Variants in PDE4D observed in about 807,000 individuals in gnomAD.
PDE4D encodes 3',5'-cyclic-AMP phosphodiesterase 4D.
A neutral mutation model predicts 87.4 loss-of-function variants in PDE4D; 24 were observed. The ratio of observed to expected loss-of-function variants is 0.27; its 90% CI spans 0.20 to 0.39. The LOEUF (loss-of-function observed/expected upper bound fraction) is 0.39, where lower values mean the gene tolerates loss of function less well. Among genes scored for constraint, PDE4D ranks in the 10% least tolerant of loss-of-function variants. The pLI is 1.00. For missense variants in PDE4D, 714 were observed against 1,041.0 expected, an observed-to-expected ratio of 0.69 and a Z score of 4.32; for synonymous variants, 384 against 383.2, an observed-to-expected ratio of 1.00 and a Z score of -0.02.
intron 1 of PDE4D, among the ~76,000 whole-genome samples, chr5:60,374,854 C>T (rs541048985): frequency 6.6e-5 from 10 of 152,144 alleles, no homozygotes; most frequent in African/African-American, 9.6e-5. Context: ...GCTTAAAAAT[C>T]GGTGAAATAT....
intron 1 of PDE4D, among the ~76,000 whole-genome samples, chr5:60,480,313 G>T (rs1201233127): frequency 2.0e-5 from 3 of 151,972 alleles, no homozygotes; most frequent in African/African-American, 7.3e-5. Flanking sequence ...ATAATAATAA[G>T]ATGACAAACA....
At chr5:59,080,091 G>A in intron 5 of PDE4D, among the ~76,000 whole-genome samples, 1 of 152,116 alleles carries the variant, frequency 6.6e-6, no homozygotes, top group Admixed American at 6.6e-5. Flanking sequence ...CCAGTCTGTG[G>A]TCAGTGAAAG....
chr5:60,449,152 TA>T (rs937721756), intron 1 of PDE4D, among the ~76,000 whole-genome samples: 1 of 147,838 alleles, frequency 6.8e-6, no homozygotes, highest in Non-Finnish European at 1.5e-5. Context: ...ATTAATTTGC[TA>T]AAATCTCCCT....
intron 5 of PDE4D, among the ~76,000 whole-genome samples, chr5:59,050,285 A>T (rs1761341130): frequency 6.6e-6 from 1 of 152,220 alleles, no homozygotes; most frequent in African/African-American, 2.4e-5. Flanking sequence ...GAGAAAAAGA[A>T]AAGAAAAAAC....
chr5:60,100,100 T>C (rs566840352), intron 2 of PDE4D, among the ~76,000 whole-genome samples: 1 of 151,854 alleles, frequency 6.6e-6, no homozygotes, highest in Non-Finnish European at 1.5e-5. Flanking sequence ...TGCACTGATA[T>C]GAAAAAAATC....
At chr5:59,525,748 T>A (rs995647074) in intron 1 of PDE4D, among the ~76,000 whole-genome samples, 6 of 151,894 alleles carry the variant, frequency 4.0e-5, no homozygotes, top group Non-Finnish European at 8.8e-5. Flanking sequence ...TGGGAGCAGA[T>A]CCCCCTGCTG....
intron 12 of PDE4D, among the ~76,000 whole-genome samples, chr5:58,976,937 C>T (rs560255687): frequency 4.2e-4 from 64 of 152,196 alleles, no homozygotes; most frequent in African/African-American, 1.4e-3. Context: ...TTTCTCTGCC[C>T]GCCACCAGAC....
At chr5:58,988,962 T>C (rs936736881) in intron 10 of PDE4D, among the ~76,000 whole-genome samples, 8 of 152,224 alleles carry the variant, frequency 5.3e-5, no homozygotes, top group African/African-American at 1.7e-4. Flanking sequence ...AATTATTTTC[T>C]TTCATCGAAA....
chr5:60,520,541 G>A (rs1174336080), intron 1 of PDE4D, among the ~76,000 whole-genome samples: 2 of 152,150 alleles, frequency 1.3e-5, no homozygotes, highest in East Asian at 1.9e-4. Flanking sequence ...TCTTTATCTT[G>A]TGAGTCCAGA....
At chr5:59,882,547 A>T (rs1352872476) in intron 1 of PDE4D, among the ~76,000 whole-genome samples, 1 of 152,178 alleles carries the variant, frequency 6.6e-6, no homozygotes, top group Non-Finnish European at 1.5e-5. Context: ...GCTGTGAGTA[A>T]ATTATTCTAA....
intron 11 of PDE4D, among the ~76,000 whole-genome samples, chr5:58,987,639 AAATG>A (rs1239187489): frequency 2.0e-5 from 1 of 49,366 alleles, no homozygotes; most frequent in Non-Finnish European, 5.1e-5. Flanking sequence ...CCTCAAGCAA[AAATG>A]AAAGAAAGGT....
At chr5:59,722,503 A>C (rs79723539) in intron 1 of PDE4D, among the ~76,000 whole-genome samples, 27,976 of 151,818 alleles carry the variant, frequency 0.18, 3,060 homozygotes, top group South Asian at 0.26. Flanking sequence ...TTTTTTCCCA[A>C]CTTCTGCCAT....
intron 1 of PDE4D, among the ~76,000 whole-genome samples, chr5:59,696,531 G>A (rs1221633368): frequency 6.6e-6 from 1 of 152,198 alleles, no homozygotes; most frequent in African/African-American, 2.4e-5. Flanking sequence ...CGCTAGTGGA[G>A]AGGAATGCAT....
chr5:59,558,219 A>G (rs1819311075), intron 1 of PDE4D, among the ~76,000 whole-genome samples: 1 of 152,206 alleles, frequency 6.6e-6, no homozygotes, highest in Admixed American at 6.5e-5. Flanking sequence ...AGTCGAAGGG[A>G]TATGAATATT....
intron 1 of PDE4D, among the ~76,000 whole-genome samples, chr5:59,828,187 C>A: frequency 6.7e-6 from 1 of 150,312 alleles, no homozygotes; most frequent in East Asian, 2.0e-4. Flanking sequence ...ATTTCAAAAC[C>A]TAAGAGAAAA....
intron 1 of PDE4D, among the ~76,000 whole-genome samples, chr5:59,312,203 C>A (rs904688758): frequency 1.3e-5 from 2 of 152,208 alleles, no homozygotes; most frequent in African/African-American, 4.8e-5. Context: ...TAAAAAAGTT[C>A]TCAGATGACC....
At chr5:59,916,003 C>T (rs371682755) in intron 3 of PDE4D, among the ~76,000 whole-genome samples, 17 of 152,174 alleles carry the variant, frequency 1.1e-4, no homozygotes, top group African/African-American at 2.4e-4. Context: ...CTTTAATCTC[C>T]TAGTCCCCAG....
At position 59,276,122 on chromosome 5, in the gene PDE4D, G is replaced by GA. The variant is rs56153175; in HGVS notation, c.456-60155dup. On this transcript the variant is annotated intron_variant, in intron 1 of 14. Transcript: ENST00000340635. ...AAAACACCGCAGGGCAGTGAGAAAGGAAAAAAAAAAAAAAAAAAAAAGAAA... is the reference window on the plus strand; with the variant it reads ...AAAACACCGCAGGGCAGTGAGAAAGGAAAAAAAAAAAAAAAAAAAAAAGAAA... 63,497 of 840,890 alleles carry GA rather than the reference G, an allele frequency of 0.076. 633 individuals carry two copies. Among genetic ancestry groups the GA allele is most frequent in the African/African-American group, 0.13 (5,996 of 44,456 alleles). The allele number at this position is 840,890 out of a possible 1,614,324, so 52.1% of individuals were successfully genotyped here.
intron 2 of PDE4D, among the ~76,000 whole-genome samples, chr5:60,037,615 G>C (rs762135246): frequency 3.9e-5 from 6 of 152,120 alleles, no homozygotes; most frequent in Non-Finnish European, 5.9e-5. Context: ...GCCCTGGTGG[G>C]GTTTTTGCTG....
Sources: allele counts gnomAD v4.1 joint callset (sites outside exome capture counted in the v4.1 genomes callset), GRCh38; gene constraint gnomAD v4.1.1; transcripts MANE v1.5; gene names NCBI Gene and HGNC (gene_info 2026-07-23, HGNC 2026-07-21).